The following PLXNC1 variants were observed in gnomAD, a reference collection of about 807,000 sequenced individuals.
The protein encoded by PLXNC1 is plexin C1.
Under a neutral mutation model 178.2 loss-of-function variants are expected in PLXNC1, and 75 were observed. The ratio of observed to expected loss-of-function variants is 0.42; its 90% CI spans 0.35 to 0.51. The LOEUF (loss-of-function observed/expected upper bound fraction) is 0.51, where lower values mean the gene tolerates loss of function less well. Among genes scored for constraint, PLXNC1 ranks in the 20% least tolerant of loss-of-function variants. The pLI is 0.02. For synonymous variants in PLXNC1, 790 were observed against 779.9 expected (o/e 1.01, Z -0.22); for missense variants, 1,503 against 1,984.4 (o/e 0.76, Z 4.61).
intron 26 of PLXNC1, among the ~76,000 whole-genome samples, chr12:94,297,692 ATTGTTATTTTTTAGG>A (rs1280021062): frequency 6.6e-5 from 10 of 152,000 alleles, no homozygotes; most frequent in East Asian, 1.9e-4. Flanking sequence ...TTTCACTATT[ATTGTTATTTTTTAGG>A]TTGACAGCAT....
At chr12:94,216,361 T>A (rs1027325382) in intron 5 of PLXNC1, among the ~76,000 whole-genome samples, 2 of 149,296 alleles carry the variant, frequency 1.3e-5, no homozygotes, top group Non-Finnish European at 3.0e-5. Context: ...CTAAGAAAAA[T>A]TAAAAAGAAA....
Position 94,305,351 on chromosome 12 carries a change from G to A in PLXNC1, c.*66G>A. On this transcript the variant is annotated 3_prime_UTR_variant, in exon 31 of 31. Transcript: ENST00000258526. ...CGACTTGGGAGCAAAATGGCTGCTT[G>A]AGCTACTCTGTGTCGTTAATTTGTT... 1.1e-6 allele frequency: 1 copy of A among 875,920 alleles called. No homozygotes were observed. Among genetic ancestry groups the A allele is most frequent in the South Asian group, 1.5e-5 (1 of 68,262 alleles). The allele number at this position is 875,920 out of a possible 1,614,324, so 54.3% of individuals were successfully genotyped here. A position where few individuals can be genotyped will look rare whatever the true frequency, so the allele number is the denominator to read the frequency against.
chr12:94,299,105 T>TATC (rs1968213067), intron 27 of PLXNC1, among the ~76,000 whole-genome samples: 1 of 152,242 alleles, frequency 6.6e-6, no homozygotes, highest in East Asian at 1.9e-4. Context: ...TGTGGTTTTA[T>TATC]ATCATTTTTG....
intron 21 of PLXNC1, among the ~76,000 whole-genome samples, chr12:94,270,163 G>T (rs1965488395): frequency 1.3e-5 from 2 of 152,146 alleles, no homozygotes; most frequent in Non-Finnish European, 2.9e-5. Context: ...TTCCAGATTT[G>T]TCTTGTTGCT....
rs57102979 is a variant in PLXNC1, at chr12:94,201,914, G to A, written c.1440-7676G>A. 8.3e-3 allele frequency among the ~76,000 whole-genome samples: 1,261 copies of A among 151,744 alleles called. 17 individuals carry two copies. The highest frequency in any genetic ancestry group is 0.029 in the African/African-American group (1,197 of 41,368). On this transcript the variant is annotated intron_variant, in intron 4 of 30. Transcript: ENST00000258526. ...CCCGAGTAGCTGGGATTACAGGAAT[G>A]CACCACCTCGCCCAGCTAATTTTTT...
chr12:94,260,668 T>C lies in PLXNC1; in HGVS notation c.3278T>C (p.Ile1093Thr), dbSNP rs1159869783. ...TGTCTGTTTGCCTCCTTCCTAACCA[T>C]TGCACTGCAAACCAAGCTGGTCTAC... is the stretch of plus-strand genomic sequence containing the variant. ...DRCLFASFLT[I>T]ALQTKLVYLT... The change falls in exon 20 of 31, where the codon ATT becomes ACT. Residue 1093 changes from isoleucine (I) to threonine (T), a missense_variant. By Grantham distance (89) the Ile-to-Thr change is moderately conservative (BLOSUM62 -1). Around this residue, in one of 4 missense-constraint regions of PLXNC1, gnomAD observed 639 missense variants for 979.7 expected, o/e 0.65. Transcript: ENST00000258526. This position sits in a 1 kb window ranked among gnomAD's most constrained non-coding sequence, Gnocchi z 4.4. 6.2e-7 allele frequency: 1 copy of C among 1,613,882 alleles called. No individual in the cohort carries two copies. The highest frequency in any genetic ancestry group is 1.1e-5 in the South Asian group (1 of 91,064).
chr12:94,184,267 G>A (rs1043031013), intron 3 of PLXNC1, among the ~76,000 whole-genome samples: 8 of 151,086 alleles, frequency 5.3e-5, no homozygotes, highest in Non-Finnish European at 1.0e-4. Context: ...ACAGTCACAC[G>A]CTACCATGCC....
rs564634982 is a variant in PLXNC1, at chr12:94,299,952, G to GC, written c.4239-957dup. On this transcript the variant is annotated intron_variant, in intron 27 of 30. Coordinates refer to ENST00000258526, the MANE Select transcript of PLXNC1 (RefSeq NM_005761.3). ...CCACCTTGAAGATTATGGCATCTGAGCAGGGGCAGCAGCCAGGACAGTAGA... is the reference window on the plus strand; with the variant it reads ...CCACCTTGAAGATTATGGCATCTGAGCCAGGGGCAGCAGCCAGGACAGTAGA... Among the ~76,000 whole-genome samples the GC allele has an allele frequency of 2.5e-3, 375 of 152,258 alleles. 6 individuals are homozygous for GC. The highest frequency in any genetic ancestry group is 1.2e-3 in the Non-Finnish European group (84 of 68,020).
At chr12:94,240,279 T>C (rs1185125832) in intron 10 of PLXNC1, among the ~76,000 whole-genome samples, 1 of 152,142 alleles carries the variant, frequency 6.6e-6, no homozygotes, top group Non-Finnish European at 1.5e-5. Flanking sequence ...ATAAGAAAGA[T>C]AAAAATGTAC....
chr12:94,170,114 C>T (rs922735173), intron 2 of PLXNC1, among the ~76,000 whole-genome samples: 1 of 152,202 alleles, frequency 6.6e-6, no homozygotes, highest in Non-Finnish European at 1.5e-5. Flanking sequence ...CTGCAGCCAT[C>T]CATTTACTCT....
At chr12:94,168,908 G>T (rs1218822973) in intron 1 of PLXNC1, among the ~76,000 whole-genome samples, 1 of 152,144 alleles carries the variant, frequency 6.6e-6, no homozygotes, top group Non-Finnish European at 1.5e-5. Context: ...TAGATGGCCA[G>T]CTCGCTTTGG....
Position 94,149,353 on chromosome 12 carries a change from A to G in PLXNC1, c.382A>G (p.Thr128Ala). The G allele has an allele frequency of 7.0e-7, 1 of 1,431,608 alleles. No homozygotes were observed. Among genetic ancestry groups the G allele is most frequent in the Non-Finnish European group, 9.1e-7 (1 of 1,102,840 alleles). 88.7% of individuals were successfully genotyped at this position (1,431,608 alleles called of 1,614,324 possible). A position where few individuals can be genotyped will look rare whatever the true frequency, so the allele number is the denominator to read the frequency against. Residue 128 changes from threonine to alanine, a missense_variant, in exon 1 of 31, where the codon ACC becomes GCC. This residue lies in a region of PLXNC1 where 73 missense variants were observed against 125.4 expected (regional missense o/e 0.58). Coordinates refer to ENST00000258526, the MANE Select transcript of PLXNC1 (RefSeq NM_005761.3). ...CGGGGGGCTGCTGCTCACCGGCTGG[A>G]CCTTCGACCGGGGCGCCTGCGAGGT... ...GLGGLLLTGW[T>A]FDRGACEVRP...
intron 1 of PLXNC1, among the ~76,000 whole-genome samples, chr12:94,158,802 T>C (rs2135926079): frequency 6.6e-6 from 1 of 152,282 alleles, no homozygotes; most frequent in East Asian, 1.9e-4. Flanking sequence ...TGGTTCTTTT[T>C]GTAAGACCAA....
In PLXNC1 at chr12:94,248,265, T is replaced by C. The variant is rs1964587803; in HGVS notation, c.2631T>C (p.Ile877=). ...ACTTCAACATTTCCAAAAAAGACATTGAAATTACTCTCTTCCATGGGGAAA... is the reference window on the plus strand; with the variant it reads ...ACTTCAACATTTCCAAAAAAGACATCGAAATTACTCTCTTCCATGGGGAAA... ...NDNFNISKKD[I]EITLFHGENG... Residue 877 remains isoleucine (I), a synonymous_variant, in exon 14 of 31, where the codon ATT becomes ATC. Transcript: ENST00000258526. 2 of 1,609,784 alleles carry C rather than the reference T, an allele frequency of 1.2e-6. No individual in the cohort carries two copies. The highest frequency in any genetic ancestry group is 1.7e-6 in the Non-Finnish European group (2 of 1,178,690).
In PLXNC1 at chr12:94,251,535, G is replaced by T. The variant is rs561628995; in HGVS notation, c.2881+7G>T. ...CTAGTGATTGTCATTTTTGGTAAGTGCCCTGTTTAATTTTGTCAGAGAAAT... is the reference window on the plus strand; with the variant it reads ...CTAGTGATTGTCATTTTTGGTAAGTTCCCTGTTTAATTTTGTCAGAGAAAT... On this transcript the variant is annotated splice_region_variant and intron_variant, in intron 15 of 30. Coordinates refer to ENST00000258526, the MANE Select transcript of PLXNC1 (RefSeq NM_005761.3). 11 of 1,560,836 alleles carry T rather than the reference G, an allele frequency of 7.0e-6. No homozygotes were observed. In the Admixed American group the frequency reaches 1.8e-4, roughly 26 times the overall value.
intron 1 of PLXNC1, among the ~76,000 whole-genome samples, chr12:94,158,652 C>T (rs1961265487): frequency 6.6e-6 from 1 of 152,104 alleles, no homozygotes; most frequent in South Asian, 2.1e-4. Flanking sequence ...AAATAAAAAT[C>T]TTAGCCAGGT....
intron 17 of PLXNC1, among the ~76,000 whole-genome samples, chr12:94,256,704 C>T (rs1241521179): frequency 6.6e-6 from 1 of 152,050 alleles, no homozygotes; most frequent in Non-Finnish European, 1.5e-5. Flanking sequence ...GCTGTGTGGG[C>T]TTTTACAGTT....
In PLXNC1 at chr12:94,280,657, T is replaced by G. The variant is rs1333074836; in HGVS notation, c.3775+1008T>G. ...TTAGCTCATTTGGTTAGATACAGGATCAAAGGGGGAGCCCCAGCCAGGACA... is the reference window on the plus strand; with the variant it reads ...TTAGCTCATTTGGTTAGATACAGGAGCAAAGGGGGAGCCCCAGCCAGGACA... On this transcript the variant is annotated intron_variant, in intron 22 of 30. Transcript: ENST00000258526. Among the ~76,000 whole-genome samples, 5 of 152,230 alleles carry G rather than the reference T, an allele frequency of 3.3e-5. No individual in the cohort carries two copies. In the East Asian group the frequency reaches 9.6e-4, roughly 29 times the overall value.
In PLXNC1 at chr12:94,172,649, TAGTG is replaced by T. The variant is rs561668955; in HGVS notation, c.1203+3359_1203+3362del. Among the ~76,000 whole-genome samples the T allele has an allele frequency of 1.7e-3, 254 of 152,284 alleles. 1 individual carries two copies. The highest frequency in any genetic ancestry group is 5.5e-3 in the African/African-American group (228 of 41,550). ...CAGGTTTTGCATCCTTTTCTTCAGT[TAGTG>T]AGGGAAAATGCTTACATTAAAATGT... On this transcript the variant is annotated intron_variant, in intron 2 of 30. Coordinates refer to ENST00000258526, the MANE Select transcript of PLXNC1 (RefSeq NM_005761.3).
Sources: gnomAD v4.1 joint callset for allele counts (sites outside exome capture counted in the v4.1 genomes callset) on GRCh38, gnomAD v4.1.1 for gene constraint, gnomAD v4.1.1 regional missense constraint, Gnocchi (gnomAD v3.1) non-coding constraint, MANE v1.5 for transcripts, NCBI Gene and HGNC (gene_info 2026-07-23, HGNC 2026-07-21) for gene names.